The following PCDHGA10 variants were observed in gnomAD, a reference collection of about 807,000 sequenced individuals.
PCDHGA10 encodes protocadherin gamma-A10.
PCDHGA10 carries 42 observed loss-of-function variants against 59.5 expected under a neutral mutation model. The ratio of observed to expected loss-of-function variants is 0.71; its 90% CI spans 0.55 to 0.91. The LOEUF (loss-of-function observed/expected upper bound fraction) is 0.91. Ranked by LOEUF, PCDHGA10 falls within the 40% of genes least tolerant of loss-of-function variation. PCDHGA10 has a pLI of 0.00. For synonymous variants in PCDHGA10, 511 were observed against 517.2 expected, an observed-to-expected ratio of 0.99 and a Z score of 0.16; for missense variants, 1,111 against 1,198.2, an observed-to-expected ratio of 0.93 and a Z score of 1.07.
In PCDHGA10 at chr5:141,423,972, T is replaced by C. The variant is rs1459859824; in HGVS notation, c.2436+8361T>C. ...TTTAGTATTATTTTTCTATTATCAG[T>C]GTATGAGGCTCTCAATTTATTATAT... On this transcript the variant is annotated intron_variant, in intron 1 of 3. Transcript: ENST00000398610. 4 of 1,128,544 alleles carry C rather than the reference T, an allele frequency of 3.5e-6. No homozygotes were observed. The East Asian group carries it at 1.9e-4, about 53-fold the overall frequency. The allele number at this position is 1,128,544 out of a possible 1,614,324, so 69.9% of individuals were successfully genotyped here.
intron 2 of PCDHGA10, 54 bp downstream of exon 2, chr5:141,494,919 T>A: frequency 6.2e-7 from 1 of 1,613,926 alleles, no homozygotes; most frequent in South Asian, 1.1e-5. Flanking sequence ...TTCTCAGGGA[T>A]GACGTGGGAG....
At chr5:141,480,205 A>G (rs2099514310) in intron 1 of PCDHGA10, among the ~76,000 whole-genome samples, 1 of 151,108 alleles carries the variant, frequency 6.6e-6, no homozygotes, top group Admixed American at 6.6e-5. Flanking sequence ...GCAGTTCAAG[A>G]CCAGCCTGAG....
At chr5:141,484,876 A>C in intron 1 of PCDHGA10, 1 of 315,240 alleles carries the variant, frequency 3.2e-6, no homozygotes, top group Non-Finnish European at 5.8e-6. Flanking sequence ...CGTGGAGGAT[A>C]GGGTGGGCTT....
In PCDHGA10 at chr5:141,476,784, C is replaced by A; in HGVS notation, c.2437-18023C>A. 1 of 1,613,520 alleles carries A rather than the reference C, an allele frequency of 6.2e-7. No homozygotes were observed. On this transcript the variant is annotated intron_variant, in intron 1 of 3. Transcript: ENST00000398610. The surrounding 1 kb of genome is among the most constrained non-coding windows in gnomAD (Gnocchi z 7.6). ...ACGGCGTTGGACGGAGGGACCCCAGCTCTCTCCGCCAGCCTGCCTATTCAC... is the reference window on the plus strand; with the variant it reads ...ACGGCGTTGGACGGAGGGACCCCAGATCTCTCCGCCAGCCTGCCTATTCAC...
chr5:141,484,867 G>C lies in PCDHGA10; in HGVS notation c.2437-9940G>C, dbSNP rs573580017. The C allele has an allele frequency of 1.8e-5, 5 of 282,560 alleles. No homozygotes were observed. The Admixed American group carries it at 1.9e-4, about 11-fold the overall frequency. The allele number at this position is 282,560 out of a possible 1,614,324, so 17.5% of individuals were successfully genotyped here. A position where few individuals can be genotyped will look rare whatever the true frequency, so the allele number is the denominator to read the frequency against. ...TGGGTTTTTTGGGGGGTGGGGGAGC[G>C]TGGAGGATAGGGTGGGCTTTTTCCC... On this transcript the variant is annotated intron_variant, in intron 1 of 3. Coordinates refer to ENST00000398610, the MANE Select transcript of PCDHGA10 (RefSeq NM_018913.3).
At chr5:141,427,999 T>C (rs1319115693) in intron 1 of PCDHGA10, 9 of 1,601,068 alleles carry the variant, frequency 5.6e-6, no homozygotes, top group African/African-American at 1.3e-5. Context: ...GGCTCCGCAC[T>C]CTTCGATATA....
chr5:141,478,553 T>C, intron 1 of PCDHGA10: 1 of 1,602,704 alleles, frequency 6.2e-7, no homozygotes. Context: ...ACAGGTAAGG[T>C]TTAGCAAGTC....
rs149649459 is a variant in PCDHGA10, at chr5:141,505,183, G to A, written c.2496-210G>A. ...TCTAAAACAAAAAGAAAAAAGCATC[G>A]GAGGCAGCAAAGAGCTGGTTTGAGG... On this transcript the variant is annotated intron_variant, in intron 2 of 3. Transcript: ENST00000398610. Among the ~76,000 whole-genome samples, 214 of 152,244 alleles carry A rather than the reference G, an allele frequency of 1.4e-3. 1 individual carries two copies. Among genetic ancestry groups the A allele is most frequent in the African/African-American group, 4.8e-3 (200 of 41,530 alleles).
At position 141,476,151 on chromosome 5, in the gene PCDHGA10, G is replaced by A; in HGVS notation, c.2437-18656G>A. Reference sequence around the variant, plus strand: ...GAGGCCTGGAGGAGCGGACTGGTAAGCACCGGGAGGGTAGTGGGAGTTTTG... The same window carrying A: ...GAGGCCTGGAGGAGCGGACTGGTAAACACCGGGAGGGTAGTGGGAGTTTTG... On this transcript the variant is annotated intron_variant, in intron 1 of 3. Transcript: ENST00000398610. This position sits in a 1 kb window ranked among gnomAD's most constrained non-coding sequence, Gnocchi z 7.6. 1 of 1,612,022 alleles carries A rather than the reference G, an allele frequency of 6.2e-7. No individual in the cohort carries two copies. Among genetic ancestry groups the A allele is most frequent in the Admixed American group, 1.7e-5 (1 of 60,014 alleles).
chr5:141,489,363 G>T lies in PCDHGA10; in HGVS notation c.2437-5444G>T, dbSNP rs767837736. 20 of 1,613,114 alleles carry T rather than the reference G, an allele frequency of 1.2e-5. No homozygotes were observed. Among genetic ancestry groups the T allele is most frequent in the Non-Finnish European group, 1.7e-5 (20 of 1,179,354 alleles). ...ACTCAGTGGTGGAGGAGTCTGAGCCGGGGACGCTGGTGGGGAATGTTGCTC... is the reference window on the plus strand; with the variant it reads ...ACTCAGTGGTGGAGGAGTCTGAGCCTGGGACGCTGGTGGGGAATGTTGCTC... On this transcript the variant is annotated intron_variant, in intron 1 of 3. Transcript: ENST00000398610. The surrounding 1 kb of genome is among the most constrained non-coding windows in gnomAD (Gnocchi z 4.5).
intron 1 of PCDHGA10, chr5:141,418,660 T>C (rs1377720154): frequency 6.2e-7 from 1 of 1,614,024 alleles, no homozygotes; most frequent in Admixed American, 1.7e-5. Context: ...TGAAGGCCAC[T>C]GACCAGGACG....
Position 141,477,350 on chromosome 5 carries a change from A to G in PCDHGA10, c.2437-17457A>G. The G allele has an allele frequency of 6.2e-7, 1 of 1,614,142 alleles. No individual in the cohort carries two copies. Among genetic ancestry groups the G allele is most frequent in the Non-Finnish European group, 8.5e-7 (1 of 1,180,016 alleles). On this transcript the variant is annotated intron_variant, in intron 1 of 3. Transcript: ENST00000398610. The surrounding 1 kb of genome is among the most constrained non-coding windows in gnomAD (Gnocchi z 4.9). ...CAAGAATTACTTCACTTTGAAAACC[A>G]GTGCAGACCTGGATCGGGAGACTGT...
Position 141,414,517 on chromosome 5 carries a change from G to A in PCDHGA10, c.1342G>A (p.Asp448Asn). The A allele has an allele frequency of 6.2e-7, 1 of 1,613,964 alleles. No individual in the cohort carries two copies. Among genetic ancestry groups the A allele is most frequent in the Non-Finnish European group, 8.5e-7 (1 of 1,179,900 alleles). The stretch of plus-strand genomic sequence containing the variant: ...AGCTCACTTTATGCTACAAGTGGCA[G>A]ATATCAATGACAACCCACCTACCTT... ...TEAHFMLQVADINDNPPTFSQ... is the reference protein window; with the variant it reads ...TEAHFMLQVANINDNPPTFSQ... The change falls in exon 1 of 4, where the codon GAT (aspartate) becomes AAT (asparagine). Residue 448 changes from aspartate (D) to asparagine (N), a missense_variant. Coordinates refer to ENST00000398610, the MANE Select transcript of PCDHGA10 (RefSeq NM_018913.3).
chr5:141,498,703 G>A (rs961006063), intron 2 of PCDHGA10, among the ~76,000 whole-genome samples: 7 of 152,228 alleles, frequency 4.6e-5, no homozygotes, highest in Non-Finnish European at 8.8e-5. Flanking sequence ...AGGCTGAGGT[G>A]GGTGGATCAC....
intron 2 of PCDHGA10, among the ~76,000 whole-genome samples, chr5:141,496,505 A>G (rs1166234572): frequency 1.3e-5 from 2 of 152,144 alleles, no homozygotes; most frequent in Non-Finnish European, 2.9e-5. Flanking sequence ...TGTTGCCACA[A>G]GGACCCAGGA....
chr5:141,468,458 G>A (rs1047447240), intron 1 of PCDHGA10: 3 of 152,134 alleles, frequency 2.0e-5, no homozygotes, highest in African/African-American at 7.2e-5. Flanking sequence ...ATTAAAGCAA[G>A]TTATTTCTGA....
At chr5:141,460,596 C>G (rs930441447) in intron 1 of PCDHGA10, among the ~76,000 whole-genome samples, 2 of 151,986 alleles carry the variant, frequency 1.3e-5, no homozygotes, top group Non-Finnish European at 2.9e-5. Flanking sequence ...TTTCTGGGCT[C>G]TCTGTGTTAG....
At chr5:141,474,524 C>G (rs1260642402) in intron 1 of PCDHGA10, among the ~76,000 whole-genome samples, 1 of 152,170 alleles carries the variant, frequency 6.6e-6, no homozygotes, top group Non-Finnish European at 1.5e-5. Flanking sequence ...GCTGGTCTGG[C>G]TAATTATCAA....
Position 141,477,691 on chromosome 5 carries a change from A to G in PCDHGA10, c.2437-17116A>G, listed in dbSNP as rs1315811441. 6.2e-7 allele frequency: 1 copy of G among 1,614,188 alleles called. No homozygotes were observed. Among genetic ancestry groups the G allele is most frequent in the South Asian group, 1.1e-5 (1 of 91,090 alleles). On this transcript the variant is annotated intron_variant, in intron 1 of 3. Coordinates refer to ENST00000398610, the MANE Select transcript of PCDHGA10 (RefSeq NM_018913.3). This position sits in a 1 kb window ranked among gnomAD's most constrained non-coding sequence, Gnocchi z 4.9. ...GCATAGTGTCATCCTTAGTGCCCCT[A>G]GACTATGAGGATCGGCGGGAATTTG...
Sources: gnomAD v4.1 joint callset for allele counts (sites outside exome capture counted in the v4.1 genomes callset) on GRCh38, gnomAD v4.1.1 for gene constraint, Gnocchi (gnomAD v3.1) non-coding constraint, MANE v1.5 for transcripts, NCBI Gene and HGNC (gene_info 2026-07-23, HGNC 2026-07-21) for gene names.